Variants in NDUFS4 observed in about 807,000 individuals in gnomAD.
NDUFS4 encodes NADH:ubiquinone oxidoreductase subunit S4, also known as NADH dehydrogenase [ubiquinone] iron-sulfur protein 4, mitochondrial.
In NDUFS4, 28 loss-of-function variants were observed where a neutral mutation model predicts 24.3. The ratio of observed to expected loss-of-function variants is 1.15; its 90% CI spans 0.85 to 1.58. NDUFS4 has a LOEUF of 1.58. Among genes scored for constraint, NDUFS4 ranks in the 40% most tolerant of loss-of-function variants. NDUFS4 has a pLI of 0.00. For synonymous variants in NDUFS4, 93 were observed against 69.7 expected, an observed-to-expected ratio of 1.34 and a Z score of -1.67; for missense variants, 223 against 207.9, an observed-to-expected ratio of 1.07 and a Z score of -0.45.
intron 1 of NDUFS4, 130 bp downstream of exon 1, chr5:53,560,890 G>C: frequency 6.5e-7 from 1 of 1,536,132 alleles, no homozygotes; most frequent in Non-Finnish European, 8.7e-7. Context: ...GGGAGAAGTC[G>C]GGCGGACTAG....
intron 4 of NDUFS4, among the ~76,000 whole-genome samples, chr5:53,672,892 C>T (rs984621027): frequency 6.6e-6 from 1 of 151,828 alleles, no homozygotes; most frequent in Non-Finnish European, 1.5e-5. Flanking sequence ...GCCTAAATAT[C>T]GGTATATTAA....
rs1337016527 is a variant in NDUFS4 at position 53,658,583 on chromosome 5, T to A, written c.383T>A (p.Phe128Tyr). ...ADPLSNMVLTFSTKEDAVSFA... is the reference protein window; with the variant it reads ...ADPLSNMVLTYSTKEDAVSFA... ...CCCTTATCCAACATGGTTCTAACCT[T>A]CAGTACTAAAGAAGATGCAGTTTCC... Residue 128 changes from phenylalanine (F) to tyrosine (Y), a missense_variant, in exon 4 of 5, where the codon TTC becomes TAC. Physicochemically the swap from Phe to Tyr is conservative, Grantham distance 22 (BLOSUM62 3). Coordinates refer to ENST00000296684, the MANE Select transcript of NDUFS4 (RefSeq NM_002495.4). 1 of 1,613,482 alleles carries A rather than the reference T, an allele frequency of 6.2e-7. No homozygotes were observed. Among genetic ancestry groups the A allele is most frequent in the East Asian group, 2.2e-5 (1 of 44,730 alleles).
intron 1 of NDUFS4, among the ~76,000 whole-genome samples, chr5:53,603,128 C>G (rs1188150176): frequency 1.3e-5 from 2 of 152,168 alleles, no homozygotes; most frequent in East Asian, 3.9e-4. Context: ...TTGCATGTTT[C>G]TGGCTGGTCG....
intron 3 of NDUFS4, among the ~76,000 whole-genome samples, chr5:53,647,379 CA>C (rs1161972847): frequency 1.3e-5 from 2 of 151,836 alleles, no homozygotes; most frequent in African/African-American, 4.8e-5. Flanking sequence ...AGCACCTGGC[CA>C]ATTTTTTTTT....
chr5:53,658,210 T>C (rs1752219497), intron 3 of NDUFS4, among the ~76,000 whole-genome samples: 1 of 152,184 alleles, frequency 6.6e-6, no homozygotes, highest in African/African-American at 2.4e-5. Context: ...ATTTTACACA[T>C]CAGTAATCTT....
intron 2 of NDUFS4, among the ~76,000 whole-genome samples, chr5:53,623,274 CAT>C (rs1262778877): frequency 1.3e-5 from 2 of 151,726 alleles, no homozygotes; most frequent in African/African-American, 2.4e-5. Flanking sequence ...TCCTCACCAA[CAT>C]GTGTTATTTT....
At chr5:53,670,550 A>G (rs1752636256) in intron 4 of NDUFS4, among the ~76,000 whole-genome samples, 1 of 151,772 alleles carries the variant, frequency 6.6e-6, no homozygotes, top group East Asian at 1.9e-4. Flanking sequence ...TGTGGCTACT[A>G]GAAACTTATG....
intron 1 of NDUFS4, chr5:53,573,485 G>A (rs753925779): frequency 1.0e-5 from 4 of 386,882 alleles, no homozygotes; most frequent in Non-Finnish European, 2.0e-5. Flanking sequence ...CAGTGTTGTA[G>A]TTTTGAGCGT....
At chr5:53,653,245 A>G (rs1329402393) in intron 3 of NDUFS4, among the ~76,000 whole-genome samples, 1 of 152,182 alleles carries the variant, frequency 6.6e-6, no homozygotes, top group African/African-American at 2.4e-5. Context: ...ATAGAAGGTC[A>G]AATAGTTTAA....
chr5:53,585,599 G>T (rs899507263), intron 1 of NDUFS4, among the ~76,000 whole-genome samples: 5 of 152,074 alleles, frequency 3.3e-5, no homozygotes, highest in African/African-American at 1.2e-4. Context: ...GAAATTAGCC[G>T]GGCGTGGTGG....
At chr5:53,614,562 A>C (rs1750789680) in intron 2 of NDUFS4, among the ~76,000 whole-genome samples, 1 of 151,952 alleles carries the variant, frequency 6.6e-6, no homozygotes, top group Non-Finnish European at 1.5e-5. Context: ...ACTGACTGAA[A>C]TGTTTTATCT....
intron 2 of NDUFS4, among the ~76,000 whole-genome samples, chr5:53,627,871 A>C (rs181940372): frequency 5.3e-4 from 80 of 152,162 alleles, no homozygotes; most frequent in African/African-American, 1.5e-3. Context: ...AATACCCTTT[A>C]TTTCTTTCTC....
At position 53,621,795 on chromosome 5, in the gene NDUFS4, G is replaced by T. The variant is rs529197585; in HGVS notation, c.177+18265G>T. Among the ~76,000 whole-genome samples the T allele has an allele frequency of 1.0e-4, 15 of 145,628 alleles. No homozygotes were observed. In the East Asian group the frequency reaches 2.3e-3, roughly 22 times the overall value. ...CAACTCACTGCAAGCTCCGCCTCCC[G>T]GGTTCACGCCATTCTCCTGCCTCAG... On this transcript the variant is annotated intron_variant, in intron 2 of 4. Transcript: ENST00000296684.
chr5:53,567,532 A>G (rs920605283), intron 1 of NDUFS4, among the ~76,000 whole-genome samples: 3 of 152,154 alleles, frequency 2.0e-5, no homozygotes, highest in Non-Finnish European at 4.4e-5. Context: ...TTACGCTCTT[A>G]AAAAATATAT....
intron 1 of NDUFS4, among the ~76,000 whole-genome samples, chr5:53,575,343 C>T (rs1055797227): frequency 1.3e-5 from 2 of 151,946 alleles, no homozygotes; most frequent in Admixed American, 6.6e-5. Flanking sequence ...GCATCCTTTC[C>T]AGATTTCATG....
intron 4 of NDUFS4, among the ~76,000 whole-genome samples, chr5:53,672,213 A>ATATCT (rs1554061424): frequency 6.6e-6 from 1 of 151,956 alleles, no homozygotes; most frequent in Non-Finnish European, 1.5e-5. Flanking sequence ...TCACATCCAT[A>ATATCT]TATCTTTTAA....
At chr5:53,586,737 A>G (rs967196084) in intron 1 of NDUFS4, among the ~76,000 whole-genome samples, 4 of 150,566 alleles carry the variant, frequency 2.7e-5, no homozygotes. Context: ...GTTAGCCAGG[A>G]TGGTCTTGAT....
intron 3 of NDUFS4, among the ~76,000 whole-genome samples, chr5:53,649,964 G>T (rs528521731): frequency 6.6e-6 from 1 of 152,178 alleles, no homozygotes; most frequent in East Asian, 1.9e-4. Flanking sequence ...TGAAGAGTAG[G>T]TGTTGTGTTA....
At chr5:53,563,094 C>A (rs1748905139) in intron 1 of NDUFS4, among the ~76,000 whole-genome samples, 1 of 151,972 alleles carries the variant, frequency 6.6e-6, no homozygotes, top group African/African-American at 2.4e-5. Flanking sequence ...CCAGGCGTGG[C>A]AGCGTGCGCC....
Sources: allele counts gnomAD v4.1 joint callset (sites outside exome capture counted in the v4.1 genomes callset), GRCh38; gene constraint gnomAD v4.1.1; transcripts MANE v1.5; gene names NCBI Gene and HGNC (gene_info 2026-07-23, HGNC 2026-07-21).